DGKB: variants seen among roughly 807,000 people sequenced by gnomAD.
DGKB encodes 90 kDa diacylglycerol kinase.
A neutral mutation model predicts 114.3 loss-of-function variants in DGKB; 67 were observed. That is an observed-to-expected ratio of 0.59 (90% CI 0.48 to 0.72). The LOEUF (loss-of-function observed/expected upper bound fraction) is 0.72. Among genes scored for constraint, DGKB ranks in the 30% least tolerant of loss-of-function variants. The pLI, the probability that DGKB is intolerant of heterozygous loss-of-function variation, is 0.00. For missense variants in DGKB, 907 were observed against 975.2 expected, an observed-to-expected ratio of 0.93 and a Z score of 0.93; for synonymous variants, 398 against 323.1, an observed-to-expected ratio of 1.23 and a Z score of -2.49.
intron 1 of DGKB, among the ~76,000 whole-genome samples, chr7:14,914,207 A>G (rs1040498594): frequency 1.3e-5 from 2 of 152,216 alleles, no homozygotes; most frequent in African/African-American, 2.4e-5. Flanking sequence ...TAAAAAGCTC[A>G]GCTCCATCAT....
At chr7:14,833,611 T>C (rs767998008) in intron 2 of DGKB, among the ~76,000 whole-genome samples, 1 of 152,144 alleles carries the variant, frequency 6.6e-6, no homozygotes, top group Non-Finnish European at 1.5e-5. Context: ...CAATGGCATC[T>C]AAAGACCCAC....
At chr7:14,962,683 G>A (rs1040683948) in intron 1 of DGKB, among the ~76,000 whole-genome samples, 22 of 150,442 alleles carry the variant, frequency 1.5e-4, no homozygotes, top group Admixed American at 1.5e-3. Context: ...CACGTATACA[G>A]GCAAATGACC....
intron 1 of DGKB, among the ~76,000 whole-genome samples, chr7:14,892,521 G>A (rs1294587110): frequency 6.6e-6 from 1 of 151,058 alleles, no homozygotes; most frequent in Admixed American, 6.6e-5. Flanking sequence ...AAATAAATGT[G>A]TATATATAAA....
intron 4 of DGKB, among the ~76,000 whole-genome samples, chr7:14,740,012 T>A (rs1403933406): frequency 1.3e-5 from 2 of 152,224 alleles, no homozygotes; most frequent in Non-Finnish European, 2.9e-5. Flanking sequence ...CCAACAGCCA[T>A]GCAGGGCGGG....
intron 9 of DGKB, among the ~76,000 whole-genome samples, chr7:14,686,135 A>G (rs1462630277): frequency 6.6e-6 from 1 of 152,166 alleles, no homozygotes; most frequent in Non-Finnish European, 1.5e-5. Flanking sequence ...TTGCCACAAT[A>G]CAACCTTGGG....
intron 9 of DGKB, among the ~76,000 whole-genome samples, chr7:14,688,943 AG>A (rs1325422753): frequency 6.6e-6 from 1 of 152,054 alleles, no homozygotes; most frequent in Non-Finnish European, 1.5e-5. Context: ...AAAATGTTCA[AG>A]TGAACTAGGG....
chr7:14,302,384 T>G (rs1248825518), intron 23 of DGKB, among the ~76,000 whole-genome samples: 2 of 152,026 alleles, frequency 1.3e-5, no homozygotes, highest in Non-Finnish European at 2.9e-5. Flanking sequence ...ATTTTGAAAT[T>G]TGTGTACCTG....
intron 2 of DGKB, among the ~76,000 whole-genome samples, chr7:14,820,957 T>A (rs1356268495): frequency 6.6e-6 from 1 of 152,114 alleles, no homozygotes; most frequent in African/African-American, 2.4e-5. Context: ...TAGAAACAAC[T>A]TAGGTATATA....
chr7:14,700,838 G>C (rs1289234804), intron 7 of DGKB, among the ~76,000 whole-genome samples: 2 of 151,924 alleles, frequency 1.3e-5, no homozygotes, highest in African/African-American at 4.8e-5. Flanking sequence ...ATTAAAAATG[G>C]TACACTTCAA....
chr7:14,601,921 T>C (rs1479619223), intron 17 of DGKB, among the ~76,000 whole-genome samples: 2 of 152,068 alleles, frequency 1.3e-5, no homozygotes, highest in African/African-American at 4.8e-5. Flanking sequence ...TGGTCTTCTT[T>C]CTTTCTTCTT....
chr7:14,788,293 C>T (rs1840179469), intron 2 of DGKB, among the ~76,000 whole-genome samples: 2 of 152,196 alleles, frequency 1.3e-5, no homozygotes, highest in African/African-American at 4.8e-5. Context: ...GAGGATGCAG[C>T]AGAAGATCTG....
chr7:14,499,902 G>A (rs1785878608), intron 20 of DGKB, among the ~76,000 whole-genome samples: 5 of 151,744 alleles, frequency 3.3e-5, no homozygotes, highest in Admixed American at 3.3e-4. Flanking sequence ...TCAGACCCGT[G>A]GCTCATCCCA....
intron 23 of DGKB, among the ~76,000 whole-genome samples, chr7:14,215,599 C>T (rs969948387): frequency 6.6e-6 from 1 of 152,110 alleles, no homozygotes; most frequent in African/African-American, 2.4e-5. Context: ...CAATTACTCT[C>T]ATAAGGTGGC....
chr7:14,266,623 C>G (rs528026490), intron 23 of DGKB, among the ~76,000 whole-genome samples: 3 of 152,214 alleles, frequency 2.0e-5, no homozygotes, highest in Non-Finnish European at 2.9e-5. Context: ...ATTCTAAATA[C>G]CAACGTACCA....
intron 20 of DGKB, among the ~76,000 whole-genome samples, chr7:14,570,579 T>A (rs1349395827): frequency 6.6e-6 from 1 of 152,124 alleles, no homozygotes; most frequent in African/African-American, 2.4e-5. Context: ...ATATACTGTA[T>A]TCTTACCAGA....
At chr7:14,703,878 A>C (rs1825660939) in intron 6 of DGKB, among the ~76,000 whole-genome samples, 1 of 152,194 alleles carries the variant, frequency 6.6e-6, no homozygotes, top group South Asian at 2.1e-4. Flanking sequence ...GTCTTTCCCA[A>C]GGATAGTGTG....
chr7:14,854,927 A>G (rs926631590), intron 1 of DGKB, among the ~76,000 whole-genome samples: 14 of 152,212 alleles, frequency 9.2e-5, no homozygotes, highest in African/African-American at 3.4e-4. Context: ...ATTTAAAAAA[A>G]TGAACAAATT....
intron 16 of DGKB, among the ~76,000 whole-genome samples, chr7:14,608,803 C>A (rs62445598): frequency 0.016 from 2,469 of 151,826 alleles, 30 homozygotes; most frequent in South Asian, 0.024. Context: ...GTCAAGAATA[C>A]AATATCATTT....
chr7:14,753,572 C>G (rs1834421621), intron 4 of DGKB, among the ~76,000 whole-genome samples: 1 of 151,954 alleles, frequency 6.6e-6, no homozygotes, highest in African/African-American at 2.4e-5. Flanking sequence ...TTAAAATTTC[C>G]CATGGTAAAT....
Sources: allele counts gnomAD v4.1 joint callset (sites outside exome capture counted in the v4.1 genomes callset), GRCh38; gene constraint gnomAD v4.1.1; transcripts MANE v1.5; gene names NCBI Gene and HGNC (gene_info 2026-07-23, HGNC 2026-07-21).